Variants in KDM2A observed in about 807,000 individuals in gnomAD.
KDM2A encodes lysine demethylase 2A.
In KDM2A, 3 loss-of-function variants were observed where a neutral mutation model predicts 137.3. The ratio of observed to expected loss-of-function variants is 0.02; its 90% CI spans 0.01 to 0.06. The LOEUF (loss-of-function observed/expected upper bound fraction) is 0.06, where lower values mean the gene tolerates loss of function less well. Ranked by LOEUF, KDM2A falls within the 10% of genes least tolerant of loss-of-function variation. The pLI, the probability that KDM2A is intolerant of heterozygous loss-of-function variation, is 1.00. For missense variants in KDM2A, 738 were observed against 1,510.6 expected (o/e 0.49, Z 8.48); for synonymous variants, 512 against 541.5 (o/e 0.95, Z 0.76).
intron 11 of KDM2A, among the ~76,000 whole-genome samples, chr11:67,229,442 A>T (rs892621101): frequency 1.3e-5 from 2 of 152,222 alleles, no homozygotes; most frequent in Non-Finnish European, 2.9e-5. Flanking sequence ...TATGTCTGAA[A>T]CTGGTGAGGA....
chr11:67,234,947 C>T (rs1195573897), intron 12 of KDM2A, among the ~76,000 whole-genome samples: 1 of 151,936 alleles, frequency 6.6e-6, no homozygotes, highest in Admixed American at 6.6e-5. Context: ...GAGATCAAGA[C>T]CATCCTTGCT....
intron 6 of KDM2A, among the ~76,000 whole-genome samples, chr11:67,208,009 T>G (rs1157495162): frequency 1.3e-5 from 2 of 152,144 alleles, no homozygotes; most frequent in Non-Finnish European, 2.9e-5. Context: ...CCAGCCTGGG[T>G]GACAGAACAA....
intron 15 of KDM2A, among the ~76,000 whole-genome samples, chr11:67,247,075 T>TTA (rs1799599784): frequency 1.6e-5 from 1 of 62,732 alleles, no homozygotes; most frequent in East Asian, 6.0e-4. Flanking sequence ...ATATATATTT[T>TTA]TTTTTTTTTT....
intron 5 of KDM2A, among the ~76,000 whole-genome samples, chr11:67,198,904 G>A (rs1160539232): frequency 2.0e-5 from 3 of 151,764 alleles, no homozygotes; most frequent in South Asian, 4.2e-4. Flanking sequence ...TCTGCCTCCC[G>A]AGTAGCTGAG....
intron 18 of KDM2A, among the ~76,000 whole-genome samples, 172 bp downstream of exon 18, chr11:67,253,029 C>T (rs12223898): frequency 0.029 from 4,382 of 152,270 alleles, 101 homozygotes; most frequent in African/African-American, 0.065. Flanking sequence ...GTGTCAGTCT[C>T]CCAGGCAGCA....
At chr11:67,229,307 C>T (rs982620172) in intron 11 of KDM2A, among the ~76,000 whole-genome samples, 1 of 152,190 alleles carries the variant, frequency 6.6e-6, no homozygotes, top group Non-Finnish European at 1.5e-5. Context: ...ACAGCTTAAA[C>T]CAGGTTGGTC....
At chr11:67,141,985 C>G (rs72926998) in intron 2 of KDM2A, among the ~76,000 whole-genome samples, 1 of 151,936 alleles carries the variant, frequency 6.6e-6, no homozygotes. Context: ...ATCCATGTTC[C>G]GAAAATGACA....
At chr11:67,144,795 G>C (rs1225539967) in intron 2 of KDM2A, among the ~76,000 whole-genome samples, 1 of 149,616 alleles carries the variant, frequency 6.7e-6, no homozygotes, top group Non-Finnish European at 1.5e-5. Context: ...TGAACTCCTG[G>C]CCTCAAGTGA....
intron 2 of KDM2A, among the ~76,000 whole-genome samples, chr11:67,132,579 G>A (rs755295086): frequency 1.2e-4 from 19 of 152,144 alleles, no homozygotes; most frequent in African/African-American, 2.4e-4. Flanking sequence ...GAGCCGCTGC[G>A]TCCAGCCAGT....
chr11:67,224,897 A>G (rs1246956303), intron 10 of KDM2A, among the ~76,000 whole-genome samples: 1 of 122,224 alleles, frequency 8.2e-6, no homozygotes, highest in African/African-American at 3.4e-5. Context: ...GCTGGAGTGC[A>G]GTGGTGTGAT....
chr11:67,183,570 T>A (rs1313895258), intron 5 of KDM2A, among the ~76,000 whole-genome samples: 4 of 152,174 alleles, frequency 2.6e-5, no homozygotes, highest in African/African-American at 9.7e-5. Flanking sequence ...GCTTGCAAAT[T>A]TCAGGGACAG....
intron 3 of KDM2A, 31 bp downstream of exon 3, chr11:67,180,248 C>G (rs369249907): frequency 3.6e-5 from 57 of 1,604,050 alleles, no homozygotes; most frequent in Non-Finnish European, 4.6e-5. Flanking sequence ...AGCTTACAGT[C>G]CTTTGATGTG....
In KDM2A at chr11:67,245,050, T is replaced by A; in HGVS notation, c.1564-139T>A. 1 of 888,616 alleles carries A rather than the reference T, an allele frequency of 1.1e-6. No individual in the cohort carries two copies. Among genetic ancestry groups the A allele is most frequent in the Non-Finnish European group, 1.7e-6 (1 of 578,710 alleles). The allele number at this position is 888,616 out of a possible 1,614,324, so 55.0% of individuals were successfully genotyped here. A position where few individuals can be genotyped will look rare whatever the true frequency, so the allele number is the denominator to read the frequency against. ...CAAGATGAGTTGTGTGTCAATAAAATTTATTCTAGAAACAAGCAGTGGGCA... is the reference window on the plus strand; with the variant it reads ...CAAGATGAGTTGTGTGTCAATAAAAATTATTCTAGAAACAAGCAGTGGGCA... On this transcript the variant is annotated intron_variant, in intron 13 of 20. Transcript: ENST00000529006. This position sits in a 1 kb window ranked among gnomAD's most constrained non-coding sequence, Gnocchi z 4.1.
chr11:67,199,273 C>T (rs1857560347), intron 5 of KDM2A, among the ~76,000 whole-genome samples: 2 of 152,166 alleles, frequency 1.3e-5, no homozygotes, highest in South Asian at 4.1e-4. Context: ...CAACTAATAA[C>T]ACATGGCCTC....
chr11:67,125,456 G>T (rs879652882), intron 2 of KDM2A, among the ~76,000 whole-genome samples: 3 of 151,176 alleles, frequency 2.0e-5, no homozygotes, highest in Non-Finnish European at 3.0e-5. Context: ...GTCATTTTTT[G>T]GGGGGAAAAA....
At chr11:67,201,203 A>AT (rs539238749) in intron 5 of KDM2A, among the ~76,000 whole-genome samples, 4,087 of 89,466 alleles carry the variant, frequency 0.046, 72 homozygotes, top group Middle Eastern at 0.12. Flanking sequence ...CAAAAAAAAA[A>AT]ATATATATAT....
intron 10 of KDM2A, among the ~76,000 whole-genome samples, chr11:67,224,500 C>T (rs1438753980): frequency 5.0e-5 from 6 of 121,066 alleles, no homozygotes; most frequent in African/African-American, 1.3e-4. Flanking sequence ...GAGTCTCGCT[C>T]TGTCCCCCAG....
chr11:67,166,905 C>T (rs1227984716), intron 2 of KDM2A, among the ~76,000 whole-genome samples: 12 of 151,912 alleles, frequency 7.9e-5, no homozygotes, highest in East Asian at 2.0e-4. Flanking sequence ...GGCGAGACCT[C>T]GTCTCTACTA....
At chr11:67,177,508 A>G (rs1438629025) in intron 2 of KDM2A, among the ~76,000 whole-genome samples, 7 of 152,024 alleles carry the variant, frequency 4.6e-5, no homozygotes, top group Non-Finnish European at 1.0e-4. Flanking sequence ...AAACATACAC[A>G]TCAGCCTGCA....
Sources: gnomAD v4.1 joint callset for allele counts (sites outside exome capture counted in the v4.1 genomes callset) on GRCh38, gnomAD v4.1.1 for gene constraint, Gnocchi (gnomAD v3.1) non-coding constraint, MANE v1.5 for transcripts, NCBI Gene and HGNC (gene_info 2026-07-23, HGNC 2026-07-21) for gene names.